The following CADM2 variants were observed in gnomAD, a reference collection of about 807,000 sequenced individuals.
The protein encoded by CADM2 is immunoglobulin superfamily member 4D.
Under a neutral mutation model 49.8 loss-of-function variants are expected in CADM2, and 12 were observed. That is an observed-to-expected ratio of 0.24 (90% CI 0.15 to 0.39). CADM2 has a LOEUF of 0.39. Ranked by LOEUF, CADM2 falls within the 10% of genes least tolerant of loss-of-function variation. The pLI, the probability that CADM2 is intolerant of heterozygous loss-of-function variation, is 1.00. For missense variants in CADM2, 378 were observed against 492.3 expected, an observed-to-expected ratio of 0.77 and a Z score of 2.20; for synonymous variants, 214 against 175.4, an observed-to-expected ratio of 1.22 and a Z score of -1.74.
chr3:85,214,944 T>C (rs189170157), intron 1 of CADM2, among the ~76,000 whole-genome samples: 1 of 152,188 alleles, frequency 6.6e-6, no homozygotes, highest in Non-Finnish European at 1.5e-5. Context: ...TTTGGTGCTC[T>C]ACCCCACTGT....
chr3:85,415,215 G>T (rs2035859422), intron 1 of CADM2, among the ~76,000 whole-genome samples: 1 of 152,018 alleles, frequency 6.6e-6, no homozygotes, highest in Non-Finnish European at 1.5e-5. Context: ...TATTTAATAA[G>T]CATTTACTTA....
chr3:85,750,592 A>T (rs1435659491), intron 2 of CADM2, among the ~76,000 whole-genome samples: 1 of 152,166 alleles, frequency 6.6e-6, no homozygotes, highest in African/African-American at 2.4e-5. Flanking sequence ...AATACAACAA[A>T]GAAAATATTT....
chr3:85,837,442 C>T (rs532118687), intron 3 of CADM2, among the ~76,000 whole-genome samples: 18 of 151,552 alleles, frequency 1.2e-4, no homozygotes, highest in South Asian at 2.1e-4. Flanking sequence ...AGAGAGATTT[C>T]GCAATATTAA....
chr3:85,578,377 T>C (rs1419048875), intron 1 of CADM2, among the ~76,000 whole-genome samples: 1 of 152,140 alleles, frequency 6.6e-6, no homozygotes, highest in African/African-American at 2.4e-5. Context: ...ATTTTGAGAG[T>C]AGGCGCTGGA....
chr3:85,804,600 G>A (rs2072283402), intron 3 of CADM2, among the ~76,000 whole-genome samples: 1 of 152,224 alleles, frequency 6.6e-6, no homozygotes, highest in Admixed American at 6.5e-5. Flanking sequence ...CCAATCGTGA[G>A]GTCAAATCCT....
At chr3:85,770,428 C>T (rs1190707149) in intron 2 of CADM2, among the ~76,000 whole-genome samples, 1 of 152,040 alleles carries the variant, frequency 6.6e-6, no homozygotes, top group Admixed American at 6.6e-5. Flanking sequence ...ATCCTTCCAC[C>T]TCAGCCTCCC....
intron 1 of CADM2, among the ~76,000 whole-genome samples, chr3:85,212,812 C>CTATTTCTTTCTT (rs1275410284): frequency 2.0e-4 from 21 of 102,542 alleles, no homozygotes; most frequent in African/African-American, 7.8e-4. Flanking sequence ...TCTTTTTCTT[C>CTATTTCTTTCTT]TCTTTCTTTC....
intron 1 of CADM2, among the ~76,000 whole-genome samples, chr3:85,252,111 C>A (rs1333425084): frequency 1.3e-5 from 2 of 151,906 alleles, no homozygotes; most frequent in East Asian, 1.9e-4. Context: ...GAGAAGTAAG[C>A]AAATGTTATT....
At chr3:85,881,841 A>C (rs1405553867) in intron 3 of CADM2, among the ~76,000 whole-genome samples, 1 of 152,014 alleles carries the variant, frequency 6.6e-6, no homozygotes, top group African/African-American at 2.4e-5. Flanking sequence ...TGGTTTTGGG[A>C]TGAAATTGTT....
intron 1 of CADM2, among the ~76,000 whole-genome samples, chr3:85,155,456 T>A (rs1399112486): frequency 2.0e-5 from 3 of 152,142 alleles, no homozygotes; most frequent in Non-Finnish European, 2.9e-5. Context: ...CTGAGTGACC[T>A]ATAAAGAAAC....
chr3:85,716,423 G>A (rs1415114596), intron 1 of CADM2, among the ~76,000 whole-genome samples: 1 of 152,092 alleles, frequency 6.6e-6, no homozygotes, highest in Non-Finnish European at 1.5e-5. Flanking sequence ...CAGATGGATA[G>A]ATTGCAAAAA....
chr3:85,344,392 TA>T (rs1331948640), intron 1 of CADM2, among the ~76,000 whole-genome samples: 2 of 137,318 alleles, frequency 1.5e-5, no homozygotes, highest in Non-Finnish European at 3.0e-5. Context: ...AATAAATAAA[TA>T]AATAAATAAA....
chr3:85,401,420 T>C (rs925886123), intron 1 of CADM2, among the ~76,000 whole-genome samples: 1 of 152,116 alleles, frequency 6.6e-6, no homozygotes. Context: ...CAAGAATCAC[T>C]GTTCTGCAGA....
chr3:84,971,337 A>G (rs2031417137), intron 1 of CADM2, among the ~76,000 whole-genome samples: 1 of 152,208 alleles, frequency 6.6e-6, no homozygotes, highest in Non-Finnish European at 1.5e-5. Flanking sequence ...GTAACATGAA[A>G]AAGAAGTTGT....
chr3:84,959,903 G>T (rs2030291193), intron 1 of CADM2, among the ~76,000 whole-genome samples: 1 of 151,990 alleles, frequency 6.6e-6, no homozygotes, highest in Admixed American at 6.6e-5. Flanking sequence ...GGCACCTTTT[G>T]CCTTCTCATT....
rs796467067 is a variant in CADM2 at position 85,898,937 on chromosome 3, G to GTGTATATA, written c.529+12611_529+12612insGTATATAT. On this transcript the variant is annotated intron_variant, in intron 5 of 9. Transcript: ENST00000383699. ...TCATAAAATCCAATTCATTTATTGT[G>GTGTATATA]TATATATATATATATATATTTTTTT... Among the ~76,000 whole-genome samples the GTGTATATA allele has an allele frequency of 3.6e-4, 17 of 46,694 alleles. 2 individuals carry two copies. In the South Asian group the frequency reaches 4.5e-3, roughly 12 times the overall value. 30.6% of individuals were successfully genotyped at this position (46,694 alleles called of 152,430 possible).
intron 1 of CADM2, among the ~76,000 whole-genome samples, chr3:85,117,606 T>C (rs776893428): frequency 1.7e-4 from 26 of 152,276 alleles, no homozygotes; most frequent in Non-Finnish European, 3.1e-4. Flanking sequence ...AGCATTACAG[T>C]TGTAAAATGA....
intron 1 of CADM2, among the ~76,000 whole-genome samples, chr3:85,403,036 G>A (rs1460904203): frequency 1.3e-5 from 2 of 152,082 alleles, no homozygotes; most frequent in African/African-American, 4.8e-5. Flanking sequence ...AAAGGTTAGG[G>A]TGAAGCTATT....
At chr3:85,886,156 T>G in intron 4 of CADM2, 34 bp from the exon 5 acceptor site, 1 of 1,608,582 alleles carries the variant, frequency 6.2e-7, no homozygotes, top group Non-Finnish European at 8.5e-7. Flanking sequence ...ACCCTGAAGA[T>G]TGATGCTCAC....
Sources: gnomAD v4.1 joint callset for allele counts (sites outside exome capture counted in the v4.1 genomes callset) on GRCh38, gnomAD v4.1.1 for gene constraint, MANE v1.5 for transcripts, NCBI Gene and HGNC (gene_info 2026-07-23, HGNC 2026-07-21) for gene names.